Variants in TLE4 observed in about 807,000 individuals in gnomAD.
TLE4 encodes the protein TLE family member 4, transcriptional corepressor, also known as transducin-like enhancer protein 4.
A neutral mutation model predicts 92.8 loss-of-function variants in TLE4; 8 were observed. The ratio of observed to expected loss-of-function variants is 0.09; its 90% CI spans 0.05 to 0.16. The LOEUF is 0.16. Ranked by LOEUF, TLE4 falls within the 10% of genes least tolerant of loss-of-function variation. TLE4 has a pLI of 1.00. For synonymous variants in TLE4, 371 were observed against 374.1 expected, an observed-to-expected ratio of 0.99 and a Z score of 0.10; for missense variants, 675 against 997.6, an observed-to-expected ratio of 0.68 and a Z score of 4.36.
chr9:79,596,841 T>C (rs764275860), intron 4 of TLE4, among the ~76,000 whole-genome samples: 3 of 152,198 alleles, frequency 2.0e-5, no homozygotes, highest in African/African-American at 4.8e-5. Flanking sequence ...CAGAATCATT[T>C]TGGAGTTTGC....
chr9:79,580,394 A>G (rs539996303), intron 4 of TLE4: 1 of 152,310 alleles, frequency 6.6e-6, no homozygotes, highest in East Asian at 1.9e-4. Flanking sequence ...TTAGTGAACT[A>G]TTTTAGAAAG....
At chr9:79,644,771 C>T (rs2057816012) in intron 6 of TLE4, among the ~76,000 whole-genome samples, 2 of 152,236 alleles carry the variant, frequency 1.3e-5, no homozygotes, top group Non-Finnish European at 2.9e-5. Context: ...TCCTTTTTGG[C>T]TCCTTTCAAG....
At chr9:79,605,997 A>C (rs2046756371) in intron 4 of TLE4, among the ~76,000 whole-genome samples, 1 of 151,962 alleles carries the variant, frequency 6.6e-6, no homozygotes, top group Admixed American at 6.6e-5. Context: ...ATTGTTTAAG[A>C]TGATACAAAT....
intron 14 of TLE4, among the ~76,000 whole-genome samples, chr9:79,712,221 G>A (rs1461307008): frequency 6.6e-6 from 1 of 152,162 alleles, no homozygotes; most frequent in Non-Finnish European, 1.5e-5. Context: ...TACTTATGTA[G>A]TAGGAGGTAC....
chr9:79,574,145 C>T (rs371920572), intron 2 of TLE4: 16 of 163,910 alleles, frequency 9.8e-5, no homozygotes, highest in East Asian at 3.4e-4. Flanking sequence ...TTGATTCCTT[C>T]TCACTTTTTT....
chr9:79,640,072 C>T (rs781749597), intron 6 of TLE4, among the ~76,000 whole-genome samples: 5 of 151,976 alleles, frequency 3.3e-5, no homozygotes, highest in Non-Finnish European at 5.9e-5. Context: ...TTATGGAAGA[C>T]GGCAGAGTGA....
At chr9:79,685,756 A>G (rs75472860) in intron 8 of TLE4, among the ~76,000 whole-genome samples, 1,610 of 152,324 alleles carry the variant, frequency 0.011, 29 homozygotes, top group African/African-American at 0.036. Flanking sequence ...GGATATTAGT[A>G]TGTAAGAGTG....
At chr9:79,626,379 C>G (rs2133509741) in intron 5 of TLE4, among the ~76,000 whole-genome samples, 1 of 152,310 alleles carries the variant, frequency 6.6e-6, no homozygotes, top group Non-Finnish European at 1.5e-5. Context: ...CAAAATAAGA[C>G]TCTTCAGATG....
At chr9:79,697,375 T>A (rs1354551968) in intron 8 of TLE4, among the ~76,000 whole-genome samples, 2 of 152,178 alleles carry the variant, frequency 1.3e-5, no homozygotes, top group Non-Finnish European at 2.9e-5. Flanking sequence ...TAATTCAGCT[T>A]GTACTTTGGA....
chr9:79,596,871 G>A (rs147052908), intron 4 of TLE4, among the ~76,000 whole-genome samples: 1 of 152,172 alleles, frequency 6.6e-6, no homozygotes, highest in African/African-American at 2.4e-5. Flanking sequence ...TCATGGTTTA[G>A]CTAGTCTAGA....
intron 6 of TLE4, among the ~76,000 whole-genome samples, chr9:79,631,260 A>C (rs555957374): frequency 6.6e-6 from 1 of 152,350 alleles, no homozygotes; most frequent in East Asian, 1.9e-4. Context: ...CCAAGGAAGT[A>C]AAACTGATTA....
At chr9:79,619,317 T>G (rs1249296758) in intron 5 of TLE4, among the ~76,000 whole-genome samples, 2 of 152,178 alleles carry the variant, frequency 1.3e-5, no homozygotes, top group Non-Finnish European at 2.9e-5. Context: ...CAGATGCTGT[T>G]TACTTGGGCA....
chr9:79,717,548 G>A (rs576841258), intron 14 of TLE4, among the ~76,000 whole-genome samples: 7 of 152,252 alleles, frequency 4.6e-5, no homozygotes, highest in Non-Finnish European at 8.8e-5. Context: ...CAATGCATGC[G>A]TCATTTTTTC....
intron 4 of TLE4, among the ~76,000 whole-genome samples, chr9:79,578,832 T>C (rs1174635769): frequency 2.1e-5 from 1 of 47,004 alleles, no homozygotes; most frequent in East Asian, 3.9e-4. Context: ...AATTAGTGGA[T>C]TTTTTTTTTT....
chr9:79,614,557 T>A (rs2049065131), intron 5 of TLE4, among the ~76,000 whole-genome samples: 1 of 152,178 alleles, frequency 6.6e-6, no homozygotes, highest in East Asian at 1.9e-4. Context: ...GGGGAGATAC[T>A]GACAACTCAT....
Position 79,709,640 on chromosome 9 carries a change from C to T in TLE4, c.1281C>T (p.His427=). The change falls in exon 14 of 20, where the codon CAC becomes CAT. Residue 427 remains histidine, a synonymous_variant. Coordinates refer to ENST00000376552, the MANE Select transcript of TLE4 (RefSeq NM_007005.6). The part of the protein sequence containing the change: ...GRSPVVGFDP[H]HHMRVPAIPP... The stretch of plus-strand genomic sequence containing the variant: ...AATTCTAGGTGGGATTTGATCCACA[C>T]CATCACATGCGTGTGCCAGCAATAC... The T allele has an allele frequency of 6.2e-7, 1 of 1,614,086 alleles. No homozygotes were observed. Among genetic ancestry groups the T allele is most frequent in the Non-Finnish European group, 8.5e-7 (1 of 1,179,994 alleles).
chr9:79,615,926 A>T (rs770505419), intron 5 of TLE4, among the ~76,000 whole-genome samples: 15 of 152,176 alleles, frequency 9.9e-5, no homozygotes, highest in Non-Finnish European at 1.9e-4. Context: ...AAAAGTGAGT[A>T]CTCATCACTT....
chr9:79,700,984 T>G (rs1374893748), intron 8 of TLE4, among the ~76,000 whole-genome samples: 1 of 152,146 alleles, frequency 6.6e-6, no homozygotes, highest in African/African-American at 2.4e-5. Context: ...AATATCTAAA[T>G]TGAGCTTTTA....
intron 4 of TLE4, among the ~76,000 whole-genome samples, chr9:79,590,815 A>G (rs963928647): frequency 9.8e-5 from 15 of 152,322 alleles, no homozygotes; most frequent in Admixed American, 7.8e-4. Context: ...CACCGTGCAA[A>G]TTAACTTTCT....
Sources: gnomAD v4.1 joint callset for allele counts (sites outside exome capture counted in the v4.1 genomes callset) on GRCh38, gnomAD v4.1.1 for gene constraint, MANE v1.5 for transcripts, NCBI Gene and HGNC (gene_info 2026-07-23, HGNC 2026-07-21) for gene names.